Variants in PLA2G10 observed in about 807,000 individuals in gnomAD.
PLA2G10 encodes phospholipase A2 group X, also known as group 10 secretory phospholipase A2.
In PLA2G10, 9 loss-of-function variants were observed where a neutral mutation model predicts 7.9. The ratio of observed to expected loss-of-function variants is 1.14; its 90% confidence interval spans 0.68 to 1.98. PLA2G10 has a LOEUF of 1.98. PLA2G10 is among the 30% of genes most tolerant of loss of function. The pLI, the probability that PLA2G10 is intolerant of heterozygous loss-of-function variation, is 0.00. For synonymous variants in PLA2G10, 19 were observed against 27.5 expected (o/e 0.69, Z 0.97); for missense variants, 53 against 65.4 (o/e 0.81, Z 0.66).
intron 3 of PLA2G10, among the ~76,000 whole-genome samples, chr16:14,677,514 A>C (rs899406234): frequency 5.3e-5 from 8 of 152,036 alleles, no homozygotes; most frequent in Non-Finnish European, 1.0e-4. Flanking sequence ...CTACAGGCGC[A>C]CACCACCACG....
intron 3 of PLA2G10, among the ~76,000 whole-genome samples, chr16:14,683,516 G>A (rs895307968): frequency 1.3e-5 from 2 of 152,026 alleles, no homozygotes; most frequent in Non-Finnish European, 2.9e-5. Flanking sequence ...GATTACAGGT[G>A]TGAGCCACCA....
At chr16:14,673,042 T>C (rs1454630442) in intron 3 of PLA2G10, among the ~76,000 whole-genome samples, 1 of 147,846 alleles carries the variant, frequency 6.8e-6, no homozygotes, top group African/African-American at 2.5e-5. Context: ...TTTTCTGAGA[T>C]GGGGGCTTGC....
intron 3 of PLA2G10, among the ~76,000 whole-genome samples, chr16:14,686,159 AGTT>A (rs1233220381): frequency 6.6e-6 from 1 of 151,276 alleles, no homozygotes; most frequent in Non-Finnish European, 1.5e-5. Context: ...ACACCGTGCT[AGTT>A]TTCATATTAT....
intron 3 of PLA2G10, among the ~76,000 whole-genome samples, chr16:14,683,236 GT>G (rs765772776): frequency 2.6e-3 from 353 of 135,014 alleles, no homozygotes; most frequent in Non-Finnish European, 3.3e-3. Context: ...TTCTTTTTTT[GT>G]TTTTTTTTTT....
At chr16:14,672,823 C>T in intron 3 of PLA2G10, 74 bp from the exon 4 acceptor site, 1 of 1,391,274 alleles carries the variant, frequency 7.2e-7, no homozygotes, top group Non-Finnish European at 1.0e-6. Context: ...AAGCAAGAGG[C>T]AGGACGGGTC....
intron 3 of PLA2G10, among the ~76,000 whole-genome samples, chr16:14,674,152 C>A (rs913477663): frequency 6.6e-6 from 1 of 151,826 alleles, no homozygotes; most frequent in Non-Finnish European, 1.5e-5. Flanking sequence ...AAATAGCTAC[C>A]CCAAACCTAG....
At chr16:14,681,167 GAAAAGAA>G (rs1775607727) in intron 3 of PLA2G10, among the ~76,000 whole-genome samples, 1 of 138,724 alleles carries the variant, frequency 7.2e-6, no homozygotes, top group Admixed American at 7.6e-5. Context: ...CTATCTCAAA[GAAAAGAA>G]AAGAGAAAAG....
chr16:14,679,023 G>A (rs1319144941), intron 3 of PLA2G10, among the ~76,000 whole-genome samples: 1 of 151,966 alleles, frequency 6.6e-6, no homozygotes. Context: ...CCACGTGGCT[G>A]TCTCCTCTGT....
intron 3 of PLA2G10, among the ~76,000 whole-genome samples, chr16:14,674,286 A>G (rs933134643): frequency 6.6e-6 from 1 of 152,250 alleles, no homozygotes; most frequent in African/African-American, 2.4e-5. Context: ...GGAAGAATCA[A>G]TGTAATGAAA....
chr16:14,686,960 TA>T (rs1961089925), intron 3 of PLA2G10, among the ~76,000 whole-genome samples: 2 of 151,814 alleles, frequency 1.3e-5, no homozygotes, highest in African/African-American at 4.8e-5. Flanking sequence ...ACAAAAATAT[TA>T]GCCAGGTGTA....
intron 3 of PLA2G10, among the ~76,000 whole-genome samples, chr16:14,679,220 C>A (rs531747097): frequency 6.6e-6 from 1 of 152,192 alleles, no homozygotes; most frequent in East Asian, 1.9e-4. Flanking sequence ...TGCTGGGCAC[C>A]TATCTAGTAC....
chr16:14,685,654 C>G (rs1260398743), intron 3 of PLA2G10, among the ~76,000 whole-genome samples: 1 of 152,072 alleles, frequency 6.6e-6, no homozygotes, highest in Non-Finnish European at 1.5e-5. Context: ...GAATTATACA[C>G]TTTAACATAG....
intron 3 of PLA2G10, among the ~76,000 whole-genome samples, chr16:14,679,898 T>C (rs1960840644): frequency 6.6e-6 from 1 of 151,970 alleles, no homozygotes; most frequent in Non-Finnish European, 1.5e-5. Context: ...TTCCCACTCT[T>C]CTGCATTCCC....
chr16:14,680,373 TA>T (rs1189523623), intron 3 of PLA2G10, among the ~76,000 whole-genome samples: 1 of 152,028 alleles, frequency 6.6e-6, no homozygotes, highest in African/African-American at 2.4e-5. Context: ...GTGCTGGGAT[TA>T]CAGGCGTGAG....
chr16:14,686,561 T>G (rs1203165026), intron 3 of PLA2G10, among the ~76,000 whole-genome samples: 1 of 152,186 alleles, frequency 6.6e-6, no homozygotes, highest in Non-Finnish European at 1.5e-5. Context: ...CAGGCTGGAG[T>G]ACGATCTCGG....
Position 14,683,731 on chromosome 16 carries a change from C to G in PLA2G10, c.355+4434G>C, listed in dbSNP as rs376203294. Among the ~76,000 whole-genome samples the G allele has an allele frequency of 3.9e-5, 6 of 152,212 alleles. 1 individual carries two copies. In the South Asian group the frequency reaches 6.2e-4, roughly 16 times the overall value. Reference sequence around the variant, plus strand: ...ATATGATAAACCTATTAGAAGAAAACTTAACGGTAAATATTTATAACTTTG... The same window carrying G: ...ATATGATAAACCTATTAGAAGAAAAGTTAACGGTAAATATTTATAACTTTG... On this transcript the variant is annotated intron_variant, in intron 3 of 3. Transcript: ENST00000438167.
intron 3 of PLA2G10, among the ~76,000 whole-genome samples, chr16:14,682,742 T>C (rs1960927066): frequency 6.6e-6 from 1 of 151,860 alleles, no homozygotes; most frequent in Non-Finnish European, 1.5e-5. Context: ...CAGATAAAGA[T>C]AGGAGGAGGA....
At chr16:14,680,334 A>G (rs1960855715) in intron 3 of PLA2G10, among the ~76,000 whole-genome samples, 1 of 151,878 alleles carries the variant, frequency 6.6e-6, no homozygotes, top group Non-Finnish European at 1.5e-5. Flanking sequence ...TCCTGACCTC[A>G]AGTGATTCAC....
rs893957629 is a variant in PLA2G10, at chr16:14,677,951, G to A, written c.356-5202C>T. 3.3e-5 allele frequency among the ~76,000 whole-genome samples: 5 copies of A among 152,136 alleles called. No individual in the cohort carries two copies. In the East Asian group the frequency reaches 5.8e-4, roughly 18 times the overall value. ...ATGGATGGATAGATGGATGATAGGTGAATGGATAATGGATGAATAGATGGC... is the reference window on the plus strand; with the variant it reads ...ATGGATGGATAGATGGATGATAGGTAAATGGATAATGGATGAATAGATGGC... On this transcript the variant is annotated intron_variant, in intron 3 of 3. Transcript: ENST00000438167.
Sources: gnomAD v4.1 joint callset for allele counts (sites outside exome capture counted in the v4.1 genomes callset) on GRCh38, gnomAD v4.1.1 for gene constraint, MANE v1.5 for transcripts, NCBI Gene and HGNC (gene_info 2026-07-23, HGNC 2026-07-21) for gene names.